The following SEMA4D variants were observed in gnomAD, a reference collection of about 807,000 sequenced individuals.
SEMA4D encodes the protein semaphorin-4D.
In SEMA4D, 22 loss-of-function variants were observed where a neutral mutation model predicts 74.8. That is an observed-to-expected ratio of 0.29 (90% CI 0.21 to 0.42). The LOEUF is 0.42. Ranked by LOEUF, SEMA4D falls within the 10% of genes least tolerant of loss-of-function variation. The pLI, the probability that SEMA4D is intolerant of heterozygous loss-of-function variation, is 1.00. For missense variants in SEMA4D, 937 were observed against 1,118.4 expected, an observed-to-expected ratio of 0.84 and a Z score of 2.31; for synonymous variants, 445 against 463.7, an observed-to-expected ratio of 0.96 and a Z score of 0.52.
intron 1 of SEMA4D, among the ~76,000 whole-genome samples, chr9:89,469,669 A>G: frequency 6.6e-6 from 1 of 152,258 alleles, no homozygotes; most frequent in Non-Finnish European, 1.5e-5. Flanking sequence ...GCACACAGGC[A>G]TATCAATTTA....
chr9:89,387,567 G>C lies in SEMA4D; in HGVS notation c.1149C>G (p.Ser383=). 1 of 1,614,236 alleles carries C rather than the reference G, an allele frequency of 6.2e-7. No homozygotes were observed. The highest frequency in any genetic ancestry group is 8.5e-7 in the Non-Finnish European group (1 of 1,180,042). The change falls in exon 12 of 16, where the codon TCC becomes TCG. Residue 383 remains serine, a synonymous_variant. Coordinates refer to ENST00000422704, the MANE Select transcript of SEMA4D (RefSeq NM_001371194.2). ...GCAGCGTCTTGTCTGGCAAATTCAA[G>C]GAGCTGGTGTAGTTGGCGGCCCGTG... ...SEARAANYTS[S]LNLPDKTLQF...
intron 2 of SEMA4D, among the ~76,000 whole-genome samples, chr9:89,415,817 C>T (rs1003836624): frequency 1.3e-5 from 2 of 152,176 alleles, no homozygotes. Context: ...GAGCTCAGCA[C>T]CGGACAGAAC....
chr9:89,425,732 C>T (rs556341431), intron 2 of SEMA4D, among the ~76,000 whole-genome samples: 1 of 152,324 alleles, frequency 6.6e-6, no homozygotes, highest in South Asian at 2.1e-4. Context: ...GGTTTTACAG[C>T]ACTGCTGGGA....
intron 2 of SEMA4D, among the ~76,000 whole-genome samples, chr9:89,422,523 C>A (rs945036959): frequency 6.6e-6 from 1 of 152,222 alleles, no homozygotes; most frequent in Non-Finnish European, 1.5e-5. Context: ...GAAGAGGGCC[C>A]GCGTGGGTCA....
At chr9:89,440,696 A>G (rs1051335351) in intron 2 of SEMA4D, among the ~76,000 whole-genome samples, 1 of 152,216 alleles carries the variant, frequency 6.6e-6, no homozygotes, top group Non-Finnish European at 1.5e-5. Context: ...TACGTGCCAC[A>G]TGCCGTGCTA....
Position 89,405,694 on chromosome 9 carries a change from G to A in SEMA4D, c.-238C>T. On this transcript the variant is annotated 5_prime_UTR_variant, in exon 3 of 16. Coordinates refer to ENST00000422704, the MANE Select transcript of SEMA4D (RefSeq NM_001371194.2). The stretch of plus-strand genomic sequence containing the variant: ...TTGATACTTCTTCAGGGCCTCAGAA[G>A]AAATGCTGGAAGGACATGAGAAAGA... 7.1e-7 allele frequency: 1 copy of A among 1,404,390 alleles called. No homozygotes were observed. The highest frequency in any genetic ancestry group is 9.2e-7 in the Non-Finnish European group (1 of 1,082,912). The allele number at this position is 1,404,390 out of a possible 1,614,324, so 87.0% of individuals were successfully genotyped here. A position where few individuals can be genotyped will look rare whatever the true frequency, so the allele number is the denominator to read the frequency against.
chr9:89,445,126 G>A (rs940460291), intron 2 of SEMA4D, among the ~76,000 whole-genome samples: 12 of 152,262 alleles, frequency 7.9e-5, no homozygotes, highest in Admixed American at 4.6e-4. Flanking sequence ...TGCCACCGCC[G>A]AAAGAAGGTG....
intron 16 of SEMA4D, among the ~76,000 whole-genome samples, chr9:89,371,589 T>G (rs1454825910): frequency 2.0e-5 from 1 of 49,446 alleles, no homozygotes; most frequent in Non-Finnish European, 3.8e-5. Flanking sequence ...TGGGGTGTGG[T>G]GTGTGTCTGG....
chr9:89,422,171 G>A (rs1262589253), intron 2 of SEMA4D, among the ~76,000 whole-genome samples: 3 of 152,198 alleles, frequency 2.0e-5, no homozygotes, highest in Non-Finnish European at 2.9e-5. Context: ...TTACTAAGAG[G>A]AAGATTTCAT....
intron 2 of SEMA4D, among the ~76,000 whole-genome samples, chr9:89,437,160 G>C (rs1036849255): frequency 6.6e-6 from 1 of 152,220 alleles, no homozygotes; most frequent in African/African-American, 2.4e-5. Flanking sequence ...TTTTGTTAGG[G>C]GCTGCAGGGC....
chr9:89,435,063 G>A (rs992603429), intron 2 of SEMA4D, among the ~76,000 whole-genome samples: 2 of 152,182 alleles, frequency 1.3e-5, no homozygotes, highest in Non-Finnish European at 2.9e-5. Context: ...CTGAGTTGCT[G>A]GTCTAAGAGC....
chr9:89,364,142 C>G (rs1833205915), intron 16 of SEMA4D: 1 of 1,178,386 alleles, frequency 8.5e-7, no homozygotes, highest in Non-Finnish European at 1.2e-6. Flanking sequence ...GGCCTTGGCC[C>G]GTCCTGTGGA....
At chr9:89,493,363 C>G (rs1825772815) in intron 1 of SEMA4D, among the ~76,000 whole-genome samples, 1 of 152,206 alleles carries the variant, frequency 6.6e-6, no homozygotes, top group Non-Finnish European at 1.5e-5. Flanking sequence ...GAACATGTGC[C>G]AAGACCCTCA....
In SEMA4D at chr9:89,427,419, CCT is replaced by C. The variant is rs146991740; in HGVS notation, c.-243-21722_-243-21721del. On this transcript the variant is annotated intron_variant, in intron 2 of 15. Coordinates refer to ENST00000422704, the MANE Select transcript of SEMA4D (RefSeq NM_001371194.2). ...ATCAGAAAACCACAGCCCCTGCCTC[CCT>C]GAGACAGCCGGGGCCTGGGGAGTAA... Among the ~76,000 whole-genome samples the C allele has an allele frequency of 4.3e-3, 659 of 152,272 alleles. 4 individuals carry two copies. Among genetic ancestry groups the C allele is most frequent in the African/African-American group, 0.015 (635 of 41,538 alleles).
In SEMA4D at chr9:89,364,064, G is replaced by A. The variant is rs545371470; in HGVS notation, c.1883-114C>T. 41 of 1,593,826 alleles carry A rather than the reference G, an allele frequency of 2.6e-5. No homozygotes were observed. In the African/African-American group the frequency reaches 4.3e-4, roughly 17 times the overall value. ...GTCCCAGTTGGACCTGAAGTGACTT[G>A]GGACAACTTCCAATTCAGTCCCTGG... On this transcript the variant is annotated intron_variant, in intron 16 of 18. Transcript: ENST00000339861.
chr9:89,373,409 C>T (rs1012477579), downstream of SEMA4D, among the ~76,000 whole-genome samples: 1 of 152,166 alleles, frequency 6.6e-6, no homozygotes, highest in African/African-American at 2.4e-5. Context: ...CTGGGTGACA[C>T]ATGGGCCTCC....
intron 2 of SEMA4D, among the ~76,000 whole-genome samples, chr9:89,443,217 C>G (rs970711364): frequency 6.6e-6 from 1 of 152,126 alleles, no homozygotes; most frequent in Non-Finnish European, 1.5e-5. Flanking sequence ...CCCACACTAC[C>G]CCCCTGGACA....
At chr9:89,422,540 G>A (rs1847194847) in intron 2 of SEMA4D, among the ~76,000 whole-genome samples, 1 of 152,220 alleles carries the variant, frequency 6.6e-6, no homozygotes, top group Admixed American at 6.5e-5. Context: ...GTCACGTCCA[G>A]GTCCTGTGTG....
chr9:89,367,886 C>T (rs1300832104), intron 16 of SEMA4D: 2 of 152,326 alleles, frequency 1.3e-5, no homozygotes, highest in Non-Finnish European at 2.9e-5. Context: ...CACCTCCCAC[C>T]TGCTCACTCC....
Sources: gnomAD v4.1 joint callset for allele counts (sites outside exome capture counted in the v4.1 genomes callset) on GRCh38, gnomAD v4.1.1 for gene constraint, MANE v1.5 for transcripts, NCBI Gene and HGNC (gene_info 2026-07-23, HGNC 2026-07-21) for gene names.